The following FBXL14 variants were observed in gnomAD, a reference collection of about 807,000 sequenced individuals.
FBXL14 encodes F-box/LRR-repeat protein 14.
A neutral mutation model predicts 24.5 loss-of-function variants in FBXL14; 11 were observed. The observed-to-expected ratio is 0.45, with a 90% confidence interval of 0.28 to 0.74. The LOEUF is 0.74. Among genes scored for constraint, FBXL14 ranks in the 30% least tolerant of loss-of-function variants. The probability of loss-of-function intolerance (pLI) is 0.12; values close to 1 mark genes in which losing one functional copy is unlikely to be tolerated. For synonymous variants in FBXL14, 294 were observed against 240.4 expected (o/e 1.22, Z -2.06); for missense variants, 384 against 545.6 (o/e 0.70, Z 2.95).
chr12:1,592,824 G>A (rs770407616), intron 1 of FBXL14, 49 bp downstream of exon 1: 1 of 1,476,860 alleles, frequency 6.8e-7, no homozygotes. Flanking sequence ...GTAATGGGAG[G>A]ATGAACAGGG....
Position 1,593,366 on chromosome 12 carries a change from T to C in FBXL14, c.701A>G (p.Asn234Ser). The change falls in exon 1 of 2, where the codon AAC (asparagine) becomes AGC (serine). Residue 234 changes from asparagine to serine, a missense_variant. Transcript: ENST00000339235. This position sits in a 1 kb window ranked among gnomAD's most constrained non-coding sequence, Gnocchi z 7.4. ...CGAGATTCCCCCACAGAAGCTGAGG[T>C]TGAGGAGCCTCAGGCCCGTCAGCCC... is the stretch of plus-strand genomic sequence containing the variant. ...SRGLTGLRLLNLSFCGGISDA... is the reference protein window; with the variant it reads ...SRGLTGLRLLSLSFCGGISDA... 1 of 1,613,792 alleles carries C rather than the reference T, an allele frequency of 6.2e-7. No individual in the cohort carries two copies. Among genetic ancestry groups the C allele is most frequent in the Non-Finnish European group, 8.5e-7 (1 of 1,179,972 alleles).
intron 1 of FBXL14, among the ~76,000 whole-genome samples, chr12:1,582,334 G>T (rs769658347): frequency 3.2e-4 from 48 of 152,136 alleles, no homozygotes; most frequent in Non-Finnish European, 5.1e-4. Flanking sequence ...CAGTTCTTCC[G>T]AGGAGCAGCT....
intron 1 of FBXL14, among the ~76,000 whole-genome samples, chr12:1,568,513 C>T (rs572205874): frequency 2.0e-4 from 31 of 152,200 alleles, no homozygotes; most frequent in Non-Finnish European, 4.0e-4. Flanking sequence ...ACTTATTTTT[C>T]TTATTCTTAA....
At position 1,594,536 on chromosome 12, in the gene FBXL14, G is replaced by A. The variant is rs1475884447; in HGVS notation, c.-470C>T. Among the ~76,000 whole-genome samples the A allele has an allele frequency of 6.8e-6, 1 of 147,808 alleles. No individual in the cohort carries two copies. The highest frequency in any genetic ancestry group is 1.5e-5 in the Non-Finnish European group (1 of 66,286). On this transcript the variant is annotated 5_prime_UTR_variant, in exon 1 of 2. Transcript: ENST00000339235. ...CCGGGGGCCGGGCGCACGGGCTCCG[G>A]GCGCGGAGGAGGCTTCCTGCTGCCT...
At chr12:1,568,756 G>C (rs1328250093) in intron 1 of FBXL14, among the ~76,000 whole-genome samples, 1 of 152,082 alleles carries the variant, frequency 6.6e-6, no homozygotes, top group Non-Finnish European at 1.5e-5. Flanking sequence ...AGCTACTCGC[G>C]AGGCTGAGGC....
chr12:1,567,905 A>G lies in FBXL14; in HGVS notation c.1195-1095T>C, dbSNP rs759322988. Among the ~76,000 whole-genome samples, 1,355 of 152,372 alleles carry G rather than the reference A, an allele frequency of 8.9e-3. 13 individuals carry two copies. Among genetic ancestry groups the G allele is most frequent in the Non-Finnish European group, 0.014 (973 of 68,044 alleles). Reference sequence around the variant, plus strand: ...CGCACACGCGCGCACACACGTGCGCACACACACAGAACAGAATATCCAAGA... The same window carrying G: ...CGCACACGCGCGCACACACGTGCGCGCACACACAGAACAGAATATCCAAGA... On this transcript the variant is annotated intron_variant, in intron 1 of 1. Transcript: ENST00000339235. The surrounding 1 kb of genome is among the most constrained non-coding windows in gnomAD (Gnocchi z 4.8).
intron 1 of FBXL14, among the ~76,000 whole-genome samples, chr12:1,590,000 A>G (rs927353552): frequency 1.3e-5 from 2 of 152,242 alleles, no homozygotes; most frequent in South Asian, 4.1e-4. Flanking sequence ...ATTTTTATCA[A>G]TTGAATCTGT....
chr12:1,572,628 A>AG (rs1467558408), intron 1 of FBXL14, among the ~76,000 whole-genome samples: 36 of 78,524 alleles, frequency 4.6e-4, no homozygotes, highest in African/African-American at 1.2e-3. Context: ...AGGTCGGGGA[A>AG]GCGGGGGGGC....
chr12:1,590,297 T>C (rs2094486598), intron 1 of FBXL14, among the ~76,000 whole-genome samples: 1 of 152,216 alleles, frequency 6.6e-6, no homozygotes, highest in Non-Finnish European at 1.5e-5. Flanking sequence ...TTTTGTGATA[T>C]GCTCAGGCAG....
chr12:1,586,080 T>G lies in FBXL14; in HGVS notation c.1194+6793A>C, dbSNP rs186404518. Reference sequence around the variant, plus strand: ...TTATAGACCATTTAACAACATGTACTAGTTTTTTGGTTTCCTGAATAACCC... The same window carrying G: ...TTATAGACCATTTAACAACATGTACGAGTTTTTTGGTTTCCTGAATAACCC... On this transcript the variant is annotated intron_variant, in intron 1 of 1. Coordinates refer to ENST00000339235, the MANE Select transcript of FBXL14 (RefSeq NM_152441.3). Among the ~76,000 whole-genome samples the G allele has an allele frequency of 2.0e-4, 31 of 152,338 alleles. No individual in the cohort carries two copies. In the East Asian group the frequency reaches 4.0e-3, roughly 20 times the overall value.
chr12:1,571,744 C>G (rs1477323443), intron 1 of FBXL14, among the ~76,000 whole-genome samples: 2 of 152,170 alleles, frequency 1.3e-5, no homozygotes, highest in Non-Finnish European at 2.9e-5. Context: ...GCAAGATTGT[C>G]CCTATCCCAT....
In FBXL14 at chr12:1,594,530, G is replaced by A. The variant is rs1405231173; in HGVS notation, c.-464C>T. ...GGGGCCCCGGGGGCCGGGCGCACGGGCTCCGGGCGCGGAGGAGGCTTCCTG... is the reference window on the plus strand; with the variant it reads ...GGGGCCCCGGGGGCCGGGCGCACGGACTCCGGGCGCGGAGGAGGCTTCCTG... On this transcript the variant is annotated 5_prime_UTR_variant, in exon 1 of 2. Coordinates refer to ENST00000339235, the MANE Select transcript of FBXL14 (RefSeq NM_152441.3). Among the ~76,000 whole-genome samples the A allele has an allele frequency of 6.8e-6, 1 of 147,734 alleles. No individual in the cohort carries two copies. The highest frequency in any genetic ancestry group is 1.5e-5 in the Non-Finnish European group (1 of 66,264).
rs1011199167 is a variant in FBXL14 at position 1,566,132 on chromosome 12, T to G, written c.*616A>C. The stretch of plus-strand genomic sequence containing the variant: ...GCACTCAGTAAACATTATTAATGAA[T>G]GATAATGATTTGTCAGTGATTGAAA... On this transcript the variant is annotated 3_prime_UTR_variant, in exon 2 of 2. Coordinates refer to ENST00000339235, the MANE Select transcript of FBXL14 (RefSeq NM_152441.3). The G allele has an allele frequency of 6.6e-6, 1 of 152,610 alleles. No homozygotes were observed. Among genetic ancestry groups the G allele is most frequent in the African/African-American group, 2.4e-5 (1 of 41,442 alleles). 9.5% of individuals were successfully genotyped at this position (152,610 alleles called of 1,614,324 possible).
intron 1 of FBXL14, among the ~76,000 whole-genome samples, chr12:1,577,424 AT>A (rs1271159232): frequency 7.2e-5 from 3 of 41,906 alleles, no homozygotes; most frequent in Non-Finnish European, 2.1e-4. Flanking sequence ...TTAAATAAGG[AT>A]TTAAAAAAAA....
rs2094436893 is a variant in FBXL14 at position 1,566,717 on chromosome 12, C to A, written c.*31G>T. On this transcript the variant is annotated 3_prime_UTR_variant, in exon 2 of 2. Coordinates refer to ENST00000339235, the MANE Select transcript of FBXL14 (RefSeq NM_152441.3). ...GCGGGCAAGTCTGGAAGTTAAAGAT[C>A]CACGGGAACCATGTCGTTGTCCCCT... 2.6e-6 allele frequency: 2 copies of A among 780,530 alleles called. No individual in the cohort carries two copies. The highest frequency in any genetic ancestry group is 2.7e-5 in the South Asian group (2 of 74,498). 48.4% of individuals were successfully genotyped at this position (780,530 alleles called of 1,614,324 possible).
At chr12:1,575,487 G>C (rs1367120072) in intron 1 of FBXL14, among the ~76,000 whole-genome samples, 1 of 152,230 alleles carries the variant, frequency 6.6e-6, no homozygotes, top group East Asian at 1.9e-4. Context: ...ACACTGTGCC[G>C]TTCGGGATCC....
chr12:1,576,426 G>A (rs2094456037), intron 1 of FBXL14, among the ~76,000 whole-genome samples: 1 of 152,128 alleles, frequency 6.6e-6, no homozygotes, highest in African/African-American at 2.4e-5. Flanking sequence ...AGACCACGAG[G>A]GCAGTAATGC....
intron 1 of FBXL14, among the ~76,000 whole-genome samples, chr12:1,575,359 A>T (rs950333589): frequency 6.6e-6 from 1 of 152,158 alleles, no homozygotes; most frequent in African/African-American, 2.4e-5. Flanking sequence ...CTCTAATCTT[A>T]TCTATCTGTC....
intron 1 of FBXL14, among the ~76,000 whole-genome samples, chr12:1,583,872 A>G (rs1214522281): frequency 6.6e-6 from 1 of 152,226 alleles, no homozygotes; most frequent in African/African-American, 2.4e-5. Flanking sequence ...AGGTGTGGAT[A>G]TGATTCACAG....
Sources: gnomAD v4.1 joint callset for allele counts (sites outside exome capture counted in the v4.1 genomes callset) on GRCh38, gnomAD v4.1.1 for gene constraint, Gnocchi (gnomAD v3.1) non-coding constraint, MANE v1.5 for transcripts, NCBI Gene and HGNC (gene_info 2026-07-23, HGNC 2026-07-21) for gene names.